The following TBC1D26 variants were observed in gnomAD, a reference collection of about 807,000 sequenced individuals.
TBC1D26 encodes TBC1 domain family, member 26.
A neutral mutation model predicts 42.5 loss-of-function variants in TBC1D26; 19 were observed. The observed-to-expected ratio is 0.45, with a 90% confidence interval of 0.31 to 0.66. The LOEUF (loss-of-function observed/expected upper bound fraction) is 0.66, where lower values mean the gene tolerates loss of function less well. Among genes scored for constraint, TBC1D26 ranks in the 30% least tolerant of loss-of-function variants. TBC1D26 has a pLI of 0.06. For synonymous variants in TBC1D26, 97 were observed against 123.5 expected (o/e 0.79, Z 1.42); for missense variants, 228 against 332.6 (o/e 0.69, Z 2.45).
chr17:15,735,477 G>T (rs1276603658), intron 3 of TBC1D26, 54 bp downstream of exon 3: 1 of 1,557,622 alleles, frequency 6.4e-7, no homozygotes, highest in Non-Finnish European at 8.7e-7. Flanking sequence ...CTCCCGCTGT[G>T]CCCTGGTCAC....
chr17:15,733,896 G>A (rs576117918), intron 1 of TBC1D26: 2 of 152,358 alleles, frequency 1.3e-5, no homozygotes, highest in South Asian at 2.1e-4. Context: ...GTGCATGAAC[G>A]ACTTTTCTAA....
At chr17:15,740,754 G>A (rs1201520339) in intron 9 of TBC1D26, 1 of 1,043,284 alleles carries the variant, frequency 9.6e-7, no homozygotes, top group African/African-American at 1.7e-5. Context: ...GTGGTGGTCA[G>A]CGCCCCGCTG....
intron 1 of TBC1D26, chr17:15,734,143 C>T (rs530185542): frequency 6.6e-6 from 1 of 152,082 alleles, no homozygotes; most frequent in African/African-American, 2.4e-5. Flanking sequence ...CAGATGTGAC[C>T]CGGGCCGTGC....
chr17:15,741,211 G>C lies in TBC1D26; in HGVS notation c.636G>C (p.Gln212His). Residue 212 changes from glutamine (Q) to histidine (H), a missense_variant, in exon 10 of 15, where the codon CAG becomes CAC. Coordinates refer to ENST00000437605, the MANE Select transcript of TBC1D26 (RefSeq NM_001388465.1). ...AAGATGCTTTCTGGGCGCTTACCCA[G>C]TTGCTCGCTGGTGAGAGGCACTCCC... ...PEEDAFWALT[Q>H]LLAVFYSPNT... 1 of 1,613,738 alleles carries C rather than the reference G, an allele frequency of 6.2e-7. No homozygotes were observed.
chr17:15,740,923 T>G, intron 9 of TBC1D26, 199 bp from the exon 10 acceptor site: 1 of 707,716 alleles, frequency 1.4e-6, no homozygotes. Flanking sequence ...CCCATGCTCC[T>G]TGTCAACTGA....
chr17:15,737,286 GCTT>G (rs1446416673), intron 4 of TBC1D26, among the ~76,000 whole-genome samples, 195 bp from the exon 5 acceptor site: 4 of 152,258 alleles, frequency 2.6e-5, no homozygotes, highest in Admixed American at 6.5e-5. Flanking sequence ...CCAGCTTTGA[GCTT>G]CTTCTTCTCC....
intron 1 of TBC1D26, among the ~76,000 whole-genome samples, chr17:15,734,537 A>G (rs1967558798): frequency 6.6e-6 from 1 of 151,842 alleles, no homozygotes; most frequent in Non-Finnish European, 1.5e-5. Flanking sequence ...TCCTGGTCAA[A>G]GAGCCTTGGG....
chr17:15,738,193 T>A (rs1364885742), intron 6 of TBC1D26, 87 bp from the exon 7 acceptor site: 1 of 1,605,230 alleles, frequency 6.2e-7, no homozygotes, highest in African/African-American at 1.3e-5. Context: ...ACCCCATCCT[T>A]GCCATAGGAC....
intron 4 of TBC1D26, among the ~76,000 whole-genome samples, chr17:15,737,247 C>T (rs546926675): frequency 5.5e-3 from 840 of 152,274 alleles, no homozygotes; most frequent in African/African-American, 0.019. Flanking sequence ...AGGCACCCCA[C>T]GGGCTTCAAG....
intron 1 of TBC1D26, among the ~76,000 whole-genome samples, chr17:15,733,376 G>A (rs915532553): frequency 1.3e-5 from 2 of 152,144 alleles, no homozygotes; most frequent in African/African-American, 4.8e-5. Flanking sequence ...GTGAAAAAAT[G>A]TGTGGAATCC....
chr17:15,735,335 C>T lies in TBC1D26; in HGVS notation c.-1-13C>T. 1 of 1,613,754 alleles carries T rather than the reference C, an allele frequency of 6.2e-7. No homozygotes were observed. Among genetic ancestry groups the T allele is most frequent in the Non-Finnish European group, 8.5e-7 (1 of 1,179,776 alleles). The stretch of plus-strand genomic sequence containing the variant: ...TGGGTGCGGGAGAGCCTTGGGATGA[C>T]TTTGTCTTGCAGGATGGAGATGGAT... On this transcript the variant is annotated splice_polypyrimidine_tract_variant and intron_variant, in intron 2 of 14. Coordinates refer to ENST00000437605, the MANE Select transcript of TBC1D26 (RefSeq NM_001388465.1).
rs759839354 is a variant in TBC1D26, at chr17:15,742,008, A to G, written c.713A>G (p.Lys238Arg). 7 of 1,614,022 alleles carry G rather than the reference A, an allele frequency of 4.3e-6. No homozygotes were observed. In the Admixed American group the frequency reaches 1.0e-4, roughly 23 times the overall value. The change falls in exon 11 of 15, where the codon AAG (lysine) becomes AGG (arginine). Residue 238 changes from lysine (K) to arginine (R), a missense_variant. Lys to Arg is a conservative substitution (Grantham distance 26). Around this residue, in one of 5 missense-constraint regions of TBC1D26, gnomAD observed 130 missense variants for 168.5 expected, o/e 0.77. Transcript: ENST00000437605. The part of the protein sequence containing the change: ...LLSHQEQVLH[K>R]SFPKIMRHLG... ...TCGCACCAGGAGCAGGTGCTGCACA[A>G]GTCCTTCCCAAAGATCATGAGACAC... is the stretch of plus-strand genomic sequence containing the variant.
rs764576455 is a variant in TBC1D26 at position 15,741,161 on chromosome 17, A to G, written c.586A>G (p.Ile196Val). The change falls in exon 10 of 15, where the codon ATC becomes GTC. Residue 196 changes from isoleucine (I) to valine (V), a missense_variant. Transcript: ENST00000437605. ...YHRDLSRITA[I>V]LLLCLPEEDA... ...CAGGGACCTGAGCCGCATCACTGCC[A>G]TCCTCCTCCTGTGTCTGCCAGAGGA... 4.3e-6 allele frequency: 7 copies of G among 1,613,362 alleles called. 1 individual carries two copies. The highest frequency in any genetic ancestry group is 5.9e-6 in the Non-Finnish European group (7 of 1,179,990).
At chr17:15,740,443 A>G (rs961175958) in intron 9 of TBC1D26, 1,540 of 1,367,038 alleles carry the variant, frequency 1.1e-3, no homozygotes, top group Non-Finnish European at 1.4e-3. Context: ...GACAGGTTTG[A>G]CAAGTTGCTG....
chr17:15,738,898 C>T (rs973705247), intron 8 of TBC1D26, 68 bp downstream of exon 8: 2 of 1,607,292 alleles, frequency 1.2e-6, no homozygotes, highest in African/African-American at 2.7e-5. Context: ...AGGTTGTCCC[C>T]AGGGCAGAGG....
chr17:15,737,819 T>TC (rs1045759613), intron 5 of TBC1D26, 178 bp from the exon 6 acceptor site: 1 of 856,032 alleles, frequency 1.2e-6, no homozygotes, highest in Non-Finnish European at 1.8e-6. Context: ...TGTCATGGCA[T>TC]CACCATTCCA....
chr17:15,741,523 A>C (rs1597757828), intron 10 of TBC1D26: 1 of 468,862 alleles, frequency 2.1e-6, no homozygotes, highest in Non-Finnish European at 3.9e-6. Context: ...GGCACCACTC[A>C]CCTCCCTGAG....
chr17:15,742,178 C>T (rs1307812955), intron 11 of TBC1D26, 142 bp downstream of exon 11: 21 of 719,490 alleles, frequency 2.9e-5, no homozygotes, highest in South Asian at 2.8e-4. Flanking sequence ...ATGGATTCAG[C>T]GTTGGGTTTC....
intron 8 of TBC1D26, 32 bp from the exon 9 acceptor site, chr17:15,740,067 CA>C (rs58354673): frequency 0.39 from 600,243 of 1,531,052 alleles, 114,321 homozygotes; most frequent in Non-Finnish European, 0.41. Context: ...TGCACACACA[CA>C]AAAAAAAAAC....
Sources: allele counts gnomAD v4.1 joint callset (sites outside exome capture counted in the v4.1 genomes callset), GRCh38; gene constraint gnomAD v4.1.1; regional missense constraint gnomAD v4.1.1; transcripts MANE v1.5; gene names NCBI Gene and HGNC (gene_info 2026-07-23, HGNC 2026-07-21).